Variants in OIT3 observed in about 807,000 individuals in gnomAD.
OIT3 encodes oncoprotein-induced transcript 3 protein.
A neutral mutation model predicts 52.2 loss-of-function variants in OIT3; 41 were observed. The observed-to-expected ratio is 0.79, with a 90% CI of 0.61 to 1.02. OIT3 has a LOEUF of 1.02. Among genes scored for constraint, OIT3 ranks in the 50% least tolerant of loss-of-function variants. OIT3 has a pLI of 0.00. For missense variants in OIT3, 634 were observed against 715.5 expected, an observed-to-expected ratio of 0.89 and a Z score of 1.30; for synonymous variants, 244 against 276.9, an observed-to-expected ratio of 0.88 and a Z score of 1.18.
At chr10:72,916,671 T>C (rs1564594064) in intron 6 of OIT3, among the ~76,000 whole-genome samples, 1 of 152,252 alleles carries the variant, frequency 6.6e-6, no homozygotes, top group Non-Finnish European at 1.5e-5. Flanking sequence ...TAGGATGATT[T>C]ATAATCCTTT....
chr10:72,896,969 A>G (rs1564588253), intron 1 of OIT3, among the ~76,000 whole-genome samples: 2 of 152,188 alleles, frequency 1.3e-5, no homozygotes, highest in Non-Finnish European at 2.9e-5. Context: ...CAATGAGAAT[A>G]TTGGAGATAT....
At chr10:72,928,968 A>C (rs946086367) in intron 7 of OIT3, among the ~76,000 whole-genome samples, 24 of 152,080 alleles carry the variant, frequency 1.6e-4, no homozygotes, top group African/African-American at 5.8e-4. Flanking sequence ...GCACTTTGGG[A>C]GGCCGAGGCG....
chr10:72,903,074 A>T (rs977546473), intron 3 of OIT3, among the ~76,000 whole-genome samples: 7 of 152,262 alleles, frequency 4.6e-5, no homozygotes, highest in African/African-American at 1.7e-4. Context: ...GTTTGTAAGC[A>T]TGTGTCAATT....
At chr10:72,931,613 C>A (rs1028281222) in intron 8 of OIT3, among the ~76,000 whole-genome samples, 5 of 152,106 alleles carry the variant, frequency 3.3e-5, no homozygotes, top group Non-Finnish European at 7.3e-5. Context: ...CACAGTATAT[C>A]AATTTAATGC....
At chr10:72,915,752 C>T (rs1846067337) in intron 6 of OIT3, among the ~76,000 whole-genome samples, 1 of 152,044 alleles carries the variant, frequency 6.6e-6, no homozygotes, top group Admixed American at 6.5e-5. Context: ...AAAAACATGC[C>T]ATTCTGTAGA....
chr10:72,894,095 C>T (rs1589518220), intron 1 of OIT3, among the ~76,000 whole-genome samples: 1 of 152,052 alleles, frequency 6.6e-6, no homozygotes, highest in Non-Finnish European at 1.5e-5. Context: ...CCACAGCTTT[C>T]ACTAGCTAAA....
intron 6 of OIT3, among the ~76,000 whole-genome samples, chr10:72,917,110 T>C (rs1243013006): frequency 6.6e-6 from 1 of 152,178 alleles, no homozygotes; most frequent in Non-Finnish European, 1.5e-5. Flanking sequence ...TTCTGTAGGT[T>C]GTCTGTTCAC....
Position 72,924,602 on chromosome 10 carries a change from C to A in OIT3, c.1325C>A (p.Ser442Tyr). The A allele has an allele frequency of 6.2e-7, 1 of 1,613,886 alleles. No homozygotes were observed. The highest frequency in any genetic ancestry group is 8.5e-7 in the Non-Finnish European group (1 of 1,179,892). ...GAGAGCTGCTTTGCCACCCCCACCTCCAAGATCGACGAGGTCCTGAAATAC... is the reference window on the plus strand; with the variant it reads ...GAGAGCTGCTTTGCCACCCCCACCTACAAGATCGACGAGGTCCTGAAATAC... ...LVESCFATPT[S>Y]KIDEVLKYYL... The change falls in exon 7 of 9, where the codon TCC becomes TAC. Residue 442 changes from serine (S) to tyrosine (Y), a missense_variant. Physicochemically the swap from Ser to Tyr is moderately radical, Grantham distance 144 (BLOSUM62 -2). Transcript: ENST00000334011.
intron 4 of OIT3, among the ~76,000 whole-genome samples, chr10:72,909,540 G>C (rs1198821856): frequency 6.6e-6 from 1 of 151,834 alleles, no homozygotes; most frequent in East Asian, 1.9e-4. Context: ...CATTAATTCA[G>C]CTCTTGTTAG....
chr10:72,894,363 G>A (rs962454495), intron 1 of OIT3, among the ~76,000 whole-genome samples: 3 of 152,118 alleles, frequency 2.0e-5, no homozygotes, highest in Admixed American at 2.0e-4. Flanking sequence ...CTCAGGCTTG[G>A]TGCAAAACTG....
In OIT3 at chr10:72,913,220, G is replaced by C. The variant is rs117784421; in HGVS notation, c.791-88G>C. 176 of 1,105,872 alleles carry C rather than the reference G, an allele frequency of 1.6e-4. No homozygotes were observed. The East Asian group carries it at 3.9e-3, about 25-fold the overall frequency. 68.5% of individuals were successfully genotyped at this position (1,105,872 alleles called of 1,614,324 possible). A position where few individuals can be genotyped will look rare whatever the true frequency, so the allele number is the denominator to read the frequency against. On this transcript the variant is annotated intron_variant, in intron 5 of 8. Coordinates refer to ENST00000334011, the MANE Select transcript of OIT3 (RefSeq NM_152635.3). The stretch of plus-strand genomic sequence containing the variant: ...CCTTGGGGATGGAACAAAAAGCTTG[G>C]GTTGTGTGAGGGTGAAATTATTTCT...
In OIT3 at chr10:72,913,345, C is replaced by T. The variant is rs1166719286; in HGVS notation, c.828C>T (p.Asn276=). The change falls in exon 6 of 9, where the codon AAC becomes AAT. Residue 276 remains asparagine, a synonymous_variant. Coordinates refer to ENST00000334011, the MANE Select transcript of OIT3 (RefSeq NM_152635.3). Reference sequence around the variant, plus strand: ...GCAAATCAAATGCCATTGAAGTGAACATCCCCAGGGAGCTGGTTGGTGGCC... The same window carrying T: ...GCAAATCAAATGCCATTGAAGTGAATATCCCCAGGGAGCTGGTTGGTGGCC... ...VLCKSNAIEV[N]IPRELVGGLE... is the part of the protein sequence containing the mutation. The T allele has an allele frequency of 6.2e-7, 1 of 1,612,436 alleles. No individual in the cohort carries two copies. The highest frequency in any genetic ancestry group is 1.7e-5 in the Admixed American group (1 of 59,956).
chr10:72,924,664 G>T lies in OIT3; in HGVS notation c.1367+20G>T, dbSNP rs1172714598. ...GGATGGGTAATGCTGCTGCAAGAATGGTCTCATCACCCCTAGTTCACATCC... is the reference window on the plus strand; with the variant it reads ...GGATGGGTAATGCTGCTGCAAGAATTGTCTCATCACCCCTAGTTCACATCC... On this transcript the variant is annotated intron_variant, in intron 7 of 8. Transcript: ENST00000334011. 6.4e-7 allele frequency: 1 copy of T among 1,572,952 alleles called. No homozygotes were observed. Among genetic ancestry groups the T allele is most frequent in the Non-Finnish European group, 8.6e-7 (1 of 1,156,138 alleles).
intron 2 of OIT3, among the ~76,000 whole-genome samples, chr10:72,899,607 A>G (rs1218289815): frequency 6.6e-6 from 1 of 151,838 alleles, no homozygotes; most frequent in Non-Finnish European, 1.5e-5. Context: ...AAAAAAAAAA[A>G]AAAAGAAAAA....
chr10:72,927,277 C>T (rs1377632076), intron 7 of OIT3, among the ~76,000 whole-genome samples: 1 of 152,036 alleles, frequency 6.6e-6, no homozygotes, highest in Non-Finnish European at 1.5e-5. Context: ...GTAGCTGGGA[C>T]CACAGGCATA....
intron 2 of OIT3, among the ~76,000 whole-genome samples, chr10:72,899,385 A>C (rs770266996): frequency 6.6e-6 from 1 of 152,100 alleles, no homozygotes; most frequent in Admixed American, 6.5e-5. Flanking sequence ...TCACAAGATC[A>C]GGAGTTTAAG....
chr10:72,930,019 A>G (rs375133996), intron 7 of OIT3, among the ~76,000 whole-genome samples: 15 of 152,362 alleles, frequency 9.8e-5, no homozygotes, highest in African/African-American at 3.4e-4. Context: ...AGAACCAGTT[A>G]TTATCTAAGA....
intron 7 of OIT3, among the ~76,000 whole-genome samples, chr10:72,929,944 A>G (rs1846201909): frequency 6.6e-6 from 1 of 152,220 alleles, no homozygotes; most frequent in South Asian, 2.1e-4. Flanking sequence ...TCAAACTGCA[A>G]TTTAACATTA....
Position 72,911,851 on chromosome 10 carries a change from G to A in OIT3, c.790+12G>A, listed in dbSNP as rs1846031437. The A allele has an allele frequency of 6.2e-7, 1 of 1,609,464 alleles. No homozygotes were observed. The highest frequency in any genetic ancestry group is 1.3e-5 in the African/African-American group (1 of 74,780). On this transcript the variant is annotated intron_variant, in intron 5 of 8. Coordinates refer to ENST00000334011, the MANE Select transcript of OIT3 (RefSeq NM_152635.3). ...CCACACTTGCCAAGGTAGTACATGG[G>A]GCAGGGGGACTTGTCTCTACTCTGA...
Sources: allele counts gnomAD v4.1 joint callset (sites outside exome capture counted in the v4.1 genomes callset), GRCh38; gene constraint gnomAD v4.1.1; transcripts MANE v1.5; gene names NCBI Gene and HGNC (gene_info 2026-07-23, HGNC 2026-07-21).